Variants in TRDN observed in about 807,000 individuals in gnomAD.
TRDN encodes the protein triadin.
Under a neutral mutation model 149.7 loss-of-function variants are expected in TRDN, and 161 were observed. The ratio of observed to expected loss-of-function variants is 1.08; its 90% CI spans 0.95 to 1.23. The LOEUF is 1.23. Among genes scored for constraint, TRDN ranks in the 50% most tolerant of loss-of-function variants. The probability of loss-of-function intolerance (pLI) is 0.00; values close to 1 mark genes in which losing one functional copy is unlikely to be tolerated. For synonymous variants in TRDN, 294 were observed against 250.5 expected (o/e 1.17, Z -1.64); for missense variants, 896 against 823.5 (o/e 1.09, Z -1.08).
At chr6:123,366,033 CAATA>C in intron 20 of TRDN, 98 bp downstream of exon 20, 1 of 1,040,636 alleles carries the variant, frequency 9.6e-7, no homozygotes. Flanking sequence ...CTAGTAAAAT[CAATA>C]AATAGAGCTC....
rs1326498486 is a variant in TRDN at position 123,377,697 on chromosome 6, C to G, written c.1246+19G>C. 6.2e-7 allele frequency: 1 copy of G among 1,612,862 alleles called. No homozygotes were observed. The highest frequency in any genetic ancestry group is 1.3e-5 in the African/African-American group (1 of 74,856). On this transcript the variant is annotated intron_variant, in intron 18 of 40. Transcript: ENST00000334268. ...CTGGACATGAGTATTCGGAATCCAG[C>G]AACAGTGGTCTTACTCACCTGAGTG...
intron 10 of TRDN, among the ~76,000 whole-genome samples, chr6:123,443,382 T>A (rs1486456489): frequency 1.7e-4 from 26 of 151,700 alleles, no homozygotes; most frequent in Admixed American, 1.7e-3. Context: ...AATGGGCAAT[T>A]GGAAAGATTA....
At chr6:123,286,745 G>A (rs888493185) in intron 24 of TRDN, among the ~76,000 whole-genome samples, 9 of 152,090 alleles carry the variant, frequency 5.9e-5, no homozygotes, top group African/African-American at 1.9e-4. Context: ...TCTTCAGCAT[G>A]TGGGGGAGTG....
At position 123,243,013 on chromosome 6, in the gene TRDN, C is replaced by T. The variant is rs74517082; in HGVS notation, c.1975+9399G>A. The stretch of plus-strand genomic sequence containing the variant: ...GCCCTGGAGTCAATGCTGCCACTGC[C>T]ACCTTGACAAGGTCAAGGAGGGAGA... On this transcript the variant is annotated intron_variant, in intron 38 of 40. Coordinates refer to ENST00000334268, the MANE Select transcript of TRDN (RefSeq NM_006073.4). Among the ~76,000 whole-genome samples, 463 of 152,262 alleles carry T rather than the reference C, an allele frequency of 3.0e-3. 18 individuals carry two copies. The East Asian group carries it at 0.075, about 25-fold the overall frequency.
chr6:123,397,824 A>G (rs1327104687), intron 12 of TRDN, among the ~76,000 whole-genome samples: 1 of 152,214 alleles, frequency 6.6e-6, no homozygotes, highest in Admixed American at 6.5e-5. Context: ...AGGAGGAGAA[A>G]CAAACAACAA....
chr6:123,456,591 C>T (rs893275986), intron 10 of TRDN, among the ~76,000 whole-genome samples: 10 of 152,106 alleles, frequency 6.6e-5, no homozygotes, highest in African/African-American at 2.4e-4. Context: ...ACCTCATCTT[C>T]CTGAGTAGCT....
chr6:123,626,410 G>A (rs1485703609), intron 1 of TRDN, among the ~76,000 whole-genome samples: 1 of 152,126 alleles, frequency 6.6e-6, no homozygotes, highest in Non-Finnish European at 1.5e-5. Context: ...GAACCCAGGA[G>A]GCAGAGGTTG....
intron 26 of TRDN, among the ~76,000 whole-genome samples, chr6:123,276,098 C>T (rs1016495804): frequency 1.3e-5 from 2 of 152,076 alleles, no homozygotes; most frequent in Admixed American, 1.3e-4. Context: ...GCCTTGTTCC[C>T]ATTCACAAAA....
At chr6:123,231,307 G>A (rs545425485) in intron 38 of TRDN, among the ~76,000 whole-genome samples, 66 of 152,142 alleles carry the variant, frequency 4.3e-4, no homozygotes, top group African/African-American at 1.5e-3. Flanking sequence ...GTATAACTGC[G>A]AGGTAGTTTC....
At chr6:123,542,898 G>A (rs115282128) in intron 4 of TRDN, among the ~76,000 whole-genome samples, 5,928 of 151,058 alleles carry the variant, frequency 0.039, 183 homozygotes, top group African/African-American at 0.086. Context: ...CTGTCTGTCT[G>A]TCACTGCGTC....
At position 123,503,553 on chromosome 6, in the gene TRDN, T is replaced by A. The variant is rs1048421165; in HGVS notation, c.793+166A>T. ...ATTTTAGTATTTTTATAAATAAATA[T>A]TAATTCCCAATTTACTGTATTTCTT... On this transcript the variant is annotated intron_variant, in intron 8 of 40. Transcript: ENST00000334268. The A allele has an allele frequency of 2.3e-5, 33 of 1,430,126 alleles. 1 individual carries two copies. The South Asian group carries it at 4.7e-4, about 20-fold the overall frequency. 88.6% of individuals were successfully genotyped at this position (1,430,126 alleles called of 1,614,324 possible).
intron 12 of TRDN, among the ~76,000 whole-genome samples, chr6:123,413,906 C>A (rs1209977604): frequency 6.6e-6 from 1 of 152,044 alleles, no homozygotes; most frequent in East Asian, 1.9e-4. Context: ...CCCTACTCAC[C>A]ATTAGACATC....
intron 24 of TRDN, among the ~76,000 whole-genome samples, chr6:123,316,060 G>A (rs900601285): frequency 6.6e-6 from 1 of 151,846 alleles, no homozygotes; most frequent in African/African-American, 2.4e-5. Flanking sequence ...GTAAATACAG[G>A]TTCATAAAAC....
At chr6:123,350,032 A>G in intron 21 of TRDN, 2 of 985,190 alleles carry the variant, frequency 2.0e-6, no homozygotes, top group Non-Finnish European at 2.4e-6. Flanking sequence ...TCCTTAATTT[A>G]AGGCAAAGTT....
At chr6:123,256,496 G>T (rs888125602) in intron 35 of TRDN, among the ~76,000 whole-genome samples, 1 of 152,064 alleles carries the variant, frequency 6.6e-6, no homozygotes, top group African/African-American at 2.4e-5. Flanking sequence ...AGCATCTGTT[G>T]TTTCCTGACT....
At chr6:123,455,945 A>C (rs1351373834) in intron 10 of TRDN, among the ~76,000 whole-genome samples, 1 of 152,196 alleles carries the variant, frequency 6.6e-6, no homozygotes, top group African/African-American at 2.4e-5. Context: ...ATGCCTAGAA[A>C]CGTTAGAAAA....
intron 8 of TRDN, among the ~76,000 whole-genome samples, chr6:123,499,167 T>C (rs1210353219): frequency 2.0e-5 from 3 of 152,182 alleles, no homozygotes; most frequent in South Asian, 2.1e-4. Context: ...TTTGTTTTTA[T>C]GTATGTTGGA....
intron 32 of TRDN, among the ~76,000 whole-genome samples, chr6:123,266,241 ATT>A (rs1379077431): frequency 0.18 from 7,107 of 40,110 alleles, 2,147 homozygotes; most frequent in South Asian, 0.26. Flanking sequence ...TATTATATAT[ATT>A]ATAATATATA....
At chr6:123,425,898 T>C (rs1260674884) in intron 12 of TRDN, among the ~76,000 whole-genome samples, 1 of 152,104 alleles carries the variant, frequency 6.6e-6, no homozygotes, top group Non-Finnish European at 1.5e-5. Flanking sequence ...TCTATCTATC[T>C]ATCTATCTAT....
Sources: allele counts gnomAD v4.1 joint callset (sites outside exome capture counted in the v4.1 genomes callset), GRCh38; gene constraint gnomAD v4.1.1; transcripts MANE v1.5; gene names NCBI Gene and HGNC (gene_info 2026-07-23, HGNC 2026-07-21).